RACGAP1: variants seen among roughly 807,000 people sequenced by gnomAD.
RACGAP1 encodes rac GTPase-activating protein 1.
In RACGAP1, 30 loss-of-function variants were observed where a neutral mutation model predicts 78.1. The ratio of observed to expected loss-of-function variants is 0.38; its 90% CI spans 0.29 to 0.52. RACGAP1 has a LOEUF of 0.52. RACGAP1 is among the 20% of genes least tolerant of loss of function. RACGAP1 has a pLI of 0.82. For synonymous variants in RACGAP1, 231 were observed against 264.8 expected, an observed-to-expected ratio of 0.87 and a Z score of 1.24; for missense variants, 587 against 777.1, an observed-to-expected ratio of 0.76 and a Z score of 2.91.
At chr12:50,018,556 T>C in intron 1 of RACGAP1, 2 of 1,288,964 alleles carry the variant, frequency 1.6e-6, no homozygotes, top group Non-Finnish European at 2.0e-6. Flanking sequence ...GGACATTGGG[T>C]AGTCAATTCA....
chr12:50,025,544 A>T (rs1032471326), upstream of RACGAP1: 3 of 985,334 alleles, frequency 3.0e-6, no homozygotes, highest in African/African-American at 5.2e-5. Context: ...CCGTCCCTCT[A>T]CGGTGTGACG....
In RACGAP1 at chr12:49,994,291, T is replaced by C. The variant is rs1030694140; in HGVS notation, c.1179A>G (p.Val393=). 3 of 1,614,078 alleles carry C rather than the reference T, an allele frequency of 1.9e-6. No individual in the cohort carries two copies. Among genetic ancestry groups the C allele is most frequent in the Admixed American group, 1.7e-5 (1 of 60,002 alleles). ...TGAGGAATTTCTCTTTCAGCTCTTT[T>C]ACTGTGCGGTCACAGCCAGAGATCC... The part of the protein sequence containing the change: ...LYRISGCDRT[V]KELKEKFLRV... The change falls in exon 12 of 17, where the codon GTA becomes GTG. Residue 393 remains valine (V), a synonymous_variant. Coordinates refer to ENST00000312377, the MANE Select transcript of RACGAP1 (RefSeq NM_001319999.2).
Position 49,994,321 on chromosome 12 carries a change from C to T in RACGAP1, c.1149G>A (p.Leu383=). 6.2e-7 allele frequency: 1 copy of T among 1,614,096 alleles called. No homozygotes were observed. The highest frequency in any genetic ancestry group is 8.5e-7 in the Non-Finnish European group (1 of 1,180,020). The change falls in exon 12 of 17, where the codon CTG becomes CTA. Residue 383 remains leucine, a synonymous_variant. Transcript: ENST00000312377. ...TGCGGTCACAGCCAGAGATCCTATA[C>T]AGGCCTGTCTATTATCAAGATGACA... ...IEQRGLTETG[L]YRISGCDRTV... is the part of the protein sequence containing the mutation.
intron 1 of RACGAP1, among the ~76,000 whole-genome samples, chr12:50,032,249 G>A (rs1374284599): frequency 6.6e-6 from 1 of 152,194 alleles, no homozygotes; most frequent in African/African-American, 2.4e-5. Flanking sequence ...CTGGCCCACT[G>A]TAAACACTCT....
intron 7 of RACGAP1, among the ~76,000 whole-genome samples, chr12:50,000,778 G>A (rs1254667637): frequency 1.3e-5 from 2 of 151,872 alleles, no homozygotes; most frequent in Non-Finnish European, 2.9e-5. Flanking sequence ...GGCCAGGCAC[G>A]GAGGCTCACG....
At position 50,012,752 on chromosome 12, in the gene RACGAP1, CTG is replaced by C. The variant is rs1377603713; in HGVS notation, c.85+3877_85+3878del. Among the ~76,000 whole-genome samples the C allele has an allele frequency of 4.2e-5, 6 of 142,198 alleles. No individual in the cohort carries two copies. The East Asian group carries it at 1.3e-3, about 31-fold the overall frequency. 93.3% of individuals were successfully genotyped at this position (142,198 alleles called of 152,430 possible). A position where few individuals can be genotyped will look rare whatever the true frequency, so the allele number is the denominator to read the frequency against. ...CCAGCCTGGGCAACAGAGTGAGACT[CTG>C]TTTCAAAAAAAATAAAAAATAAATG... is the stretch of plus-strand genomic sequence containing the variant. On this transcript the variant is annotated intron_variant, in intron 2 of 16. Coordinates refer to ENST00000312377, the MANE Select transcript of RACGAP1 (RefSeq NM_001319999.2).
chr12:50,011,569 A>G (rs1238863822), intron 2 of RACGAP1, among the ~76,000 whole-genome samples: 5 of 152,058 alleles, frequency 3.3e-5, no homozygotes, highest in Non-Finnish European at 7.4e-5. Flanking sequence ...TCTACAAAAA[A>G]TAGAATTAAA....
intron 1 of RACGAP1, chr12:50,017,162 T>C (rs748280691): frequency 9.9e-5 from 82 of 829,194 alleles, no homozygotes; most frequent in Middle Eastern, 6.1e-4. Context: ...AATGCCCCTG[T>C]TGCAACTGCC....
At chr12:50,018,238 T>C (rs985761352) in intron 1 of RACGAP1, among the ~76,000 whole-genome samples, 3 of 151,990 alleles carry the variant, frequency 2.0e-5, no homozygotes, top group South Asian at 4.1e-4. Context: ...TATACTCATA[T>C]GATAATTGCT....
rs771967362 is a variant in RACGAP1 at position 49,992,579 on chromosome 12, T to A, written c.1416A>T (p.Thr472=). ...GCAAGTGAATCATGAGGAAAGCTAA[T>A]GTGTCCCTGTTGGCCTGGGGCAGTT... ...VGELPQANRD[T]LAFLMIHLQR... The change falls in exon 13 of 17, where the codon ACA becomes ACT. Residue 472 remains threonine (T), a synonymous_variant. Transcript: ENST00000312377. 1 of 1,614,170 alleles carries A rather than the reference T, an allele frequency of 6.2e-7. No homozygotes were observed. Among genetic ancestry groups the A allele is most frequent in the Non-Finnish European group, 8.5e-7 (1 of 1,180,006 alleles).
At chr12:49,992,919 T>C (rs1271133783) in intron 12 of RACGAP1, among the ~76,000 whole-genome samples, 1 of 152,204 alleles carries the variant, frequency 6.6e-6, no homozygotes, top group Non-Finnish European at 1.5e-5. Context: ...GGCATACAAT[T>C]GCAGTGACTA....
At chr12:50,030,841 G>A (rs1411565518) in intron 2 of RACGAP1, among the ~76,000 whole-genome samples, 2 of 151,736 alleles carry the variant, frequency 1.3e-5, no homozygotes, top group Non-Finnish European at 2.9e-5. Flanking sequence ...GTGCAATGGC[G>A]TGATCTCGGC....
intron 2 of RACGAP1, among the ~76,000 whole-genome samples, chr12:50,016,152 C>T (rs1037723955): frequency 8.5e-5 from 13 of 152,100 alleles, no homozygotes; most frequent in Non-Finnish European, 1.8e-4. Flanking sequence ...GAGGCCGAGG[C>T]GGGCGGATCA....
chr12:50,021,482 C>G (rs1364428838), intron 1 of RACGAP1, among the ~76,000 whole-genome samples: 4 of 152,196 alleles, frequency 2.6e-5, no homozygotes, highest in African/African-American at 9.7e-5. Flanking sequence ...GATGTGATTG[C>G]TTTGAGCCCC....
Position 50,005,332 on chromosome 12 carries a change from G to C in RACGAP1, c.349C>G (p.Leu117Val). The change falls in exon 4 of 17, where the codon CTA (leucine) becomes GTA (valine). Residue 117 changes from leucine (L) to valine (V), a missense_variant. Leu to Val is a conservative substitution (Grantham distance 32, BLOSUM62 1). Transcript: ENST00000312377. The part of the protein sequence containing the change: ...LMCDTSGSIQ[L>V]SEEQKSALAF... ...AGAGCTGATTTTTGCTCCTCGCTTA[G>C]TTGAATGCTGCCAGATGTGTCACAC... The C allele has an allele frequency of 1.2e-6, 2 of 1,614,232 alleles. No homozygotes were observed. The highest frequency in any genetic ancestry group is 1.7e-6 in the Non-Finnish European group (2 of 1,180,034).
At chr12:49,990,419 T>A (rs1947755843) in intron 16 of RACGAP1, 76 bp from the exon 17 acceptor site, 6 of 1,261,900 alleles carry the variant, frequency 4.8e-6, no homozygotes, top group Non-Finnish European at 6.8e-6. Flanking sequence ...TATTACTTGA[T>A]ATAACCCATT....
chr12:49,992,191 T>C (rs201377277), intron 14 of RACGAP1, 54 bp downstream of exon 14: 12 of 1,612,558 alleles, frequency 7.4e-6, no homozygotes, highest in Non-Finnish European at 1.0e-5. Flanking sequence ...TCAACTGTCT[T>C]TCAAGTTATC....
In RACGAP1 at chr12:49,990,218, G is replaced by T; in HGVS notation, c.*50C>A. On this transcript the variant is annotated 3_prime_UTR_variant, in exon 17 of 17. Transcript: ENST00000312377. Reference sequence around the variant, plus strand: ...AGGCTGCAGAGCAGAGTACAGATGTGTCCTTTCTTATAGTCAGTCAATGCT... The same window carrying T: ...AGGCTGCAGAGCAGAGTACAGATGTTTCCTTTCTTATAGTCAGTCAATGCT... The T allele has an allele frequency of 6.7e-7, 1 of 1,484,752 alleles. No individual in the cohort carries two copies. Among genetic ancestry groups the T allele is most frequent in the Non-Finnish European group, 9.4e-7 (1 of 1,063,740 alleles). 92.0% of individuals were successfully genotyped at this position (1,484,752 alleles called of 1,614,324 possible). A position where few individuals can be genotyped will look rare whatever the true frequency, so the allele number is the denominator to read the frequency against.
intron 7 of RACGAP1, among the ~76,000 whole-genome samples, chr12:50,000,652 G>A (rs1018898117): frequency 6.6e-6 from 1 of 152,164 alleles, no homozygotes; most frequent in Admixed American, 6.5e-5. Context: ...GATAAACATA[G>A]GTCATGGGGG....
Sources: gnomAD v4.1 joint callset for allele counts (sites outside exome capture counted in the v4.1 genomes callset) on GRCh38, gnomAD v4.1.1 for gene constraint, MANE v1.5 for transcripts, NCBI Gene and HGNC (gene_info 2026-07-23, HGNC 2026-07-21) for gene names.